TBCD: variants seen among roughly 807,000 people sequenced by gnomAD.
TBCD encodes the protein tubulin-specific chaperone D.
Under a neutral mutation model 169.3 loss-of-function variants are expected in TBCD, and 105 were observed. The observed-to-expected ratio is 0.62, with a 90% CI of 0.53 to 0.73. TBCD has a LOEUF of 0.73. TBCD is among the 30% of genes least tolerant of loss of function. TBCD has a pLI of 0.00. For missense variants in TBCD, 1,444 were observed against 1,600.1 expected (o/e 0.90, Z 1.66); for synonymous variants, 700 against 643.9 (o/e 1.09, Z -1.32).
chr17:82,939,070 A>G, intron 36 of TBCD: 1 of 492,226 alleles, frequency 2.0e-6, no homozygotes. Context: ...AGCAGGCGAG[A>G]TTGCTTCTCT....
At chr17:82,858,424 C>A in intron 13 of TBCD, 1 of 233,578 alleles carries the variant, frequency 4.3e-6, no homozygotes, top group Non-Finnish European at 7.0e-6. Context: ...TGTTGTCTTC[C>A]GTGTTTTTGC....
In TBCD at chr17:82,906,068, T is replaced by A; in HGVS notation, c.1922+15T>A. 6.3e-7 allele frequency: 1 copy of A among 1,577,550 alleles called. No homozygotes were observed. Among genetic ancestry groups the A allele is most frequent in the South Asian group, 1.1e-5 (1 of 87,036 alleles). On this transcript the variant is annotated intron_variant, in intron 20 of 38. Transcript: ENST00000355528. ...CAAGAGAACAGGTAGGAAGAGTGGG[T>A]CTCGAGGAGACACAGGGCTCTGTCC...
chr17:82,883,703 C>G (rs967465549), intron 14 of TBCD, among the ~76,000 whole-genome samples: 1 of 152,216 alleles, frequency 6.6e-6, no homozygotes, highest in African/African-American at 2.4e-5. Context: ...GCCCCTGCCC[C>G]GGGGCATTTG....
In TBCD at chr17:82,789,365, G is replaced by A. The variant is rs569084869; in HGVS notation, c.771+7644G>A. Among the ~76,000 whole-genome samples, 3 of 152,232 alleles carry A rather than the reference G, an allele frequency of 2.0e-5. No individual in the cohort carries two copies. Among genetic ancestry groups the A allele is most frequent in the Non-Finnish European group, 2.9e-5 (2 of 68,050 alleles). On this transcript the variant is annotated intron_variant, in intron 7 of 38. Transcript: ENST00000355528. This position sits in a 1 kb window ranked among gnomAD's most constrained non-coding sequence, Gnocchi z 4.8. ...TGGCCCATCCCTGCTGAGGTGGCGCGACCTGCTCACAGACGTGTGCTCACA... is the reference window on the plus strand; with the variant it reads ...TGGCCCATCCCTGCTGAGGTGGCGCAACCTGCTCACAGACGTGTGCTCACA...
In TBCD at chr17:82,782,979, G is replaced by A. The variant is rs1409160331; in HGVS notation, c.771+1258G>A. Among the ~76,000 whole-genome samples the A allele has an allele frequency of 2.0e-5, 3 of 151,200 alleles. No individual in the cohort carries two copies. Among genetic ancestry groups the A allele is most frequent in the South Asian group, 2.1e-4 (1 of 4,744 alleles). ...TCCTGTCCATGGTGGCCTCCTGTCC[G>A]CTGTGCCCTCCTGTCCGCGGCGTCG... is the stretch of plus-strand genomic sequence containing the variant. On this transcript the variant is annotated intron_variant, in intron 7 of 38. Coordinates refer to ENST00000355528, the MANE Select transcript of TBCD (RefSeq NM_005993.5). This position sits in a 1 kb window ranked among gnomAD's most constrained non-coding sequence, Gnocchi z 5.1.
At position 82,832,458 on chromosome 17, in the gene TBCD, C is replaced by T. The variant is rs763775008; in HGVS notation, c.1318+17524C>T. 13 of 1,607,656 alleles carry T rather than the reference C, an allele frequency of 8.1e-6. No homozygotes were observed. Among genetic ancestry groups the T allele is most frequent in the Non-Finnish European group, 1.1e-5 (13 of 1,179,732 alleles). On this transcript the variant is annotated intron_variant, in intron 13 of 38. Transcript: ENST00000355528. This position sits in a 1 kb window ranked among gnomAD's most constrained non-coding sequence, Gnocchi z 4.9. ...TCCGCTCTTTGAGGAGACTCATTTT[C>T]CTCCTTATGCCTTGGACTCTGGCTG...
At chr17:82,828,673 C>G (rs2053176513) in intron 13 of TBCD, among the ~76,000 whole-genome samples, 1 of 151,494 alleles carries the variant, frequency 6.6e-6, no homozygotes, top group Admixed American at 6.6e-5. Flanking sequence ...CACATGCACA[C>G]CCACAGAATC....
intron 6 of TBCD, among the ~76,000 whole-genome samples, chr17:82,773,370 C>A (rs2048399269): frequency 6.6e-6 from 1 of 152,132 alleles, no homozygotes; most frequent in Non-Finnish European, 1.5e-5. Context: ...CGCCTGAGTC[C>A]CCTGGAGCAG....
intron 13 of TBCD, among the ~76,000 whole-genome samples, chr17:82,846,224 C>T (rs1021408183): frequency 6.7e-6 from 1 of 148,424 alleles, no homozygotes; most frequent in South Asian, 2.1e-4. Context: ...CACGTCCCCT[C>T]GTCCAGCCCT....
Position 82,752,149 on chromosome 17 carries a change from A to G in TBCD, c.-45A>G. 6.8e-7 allele frequency: 1 copy of G among 1,468,086 alleles called. No homozygotes were observed. The highest frequency in any genetic ancestry group is 9.0e-7 in the Non-Finnish European group (1 of 1,112,716). 90.9% of individuals were successfully genotyped at this position (1,468,086 alleles called of 1,614,324 possible). Reference sequence around the variant, plus strand: ...GGCTTTCGCGCTCTAGCGGAGTGGGATCTGCGAACACGTGAGGCGGGGGCG... The same window carrying G: ...GGCTTTCGCGCTCTAGCGGAGTGGGGTCTGCGAACACGTGAGGCGGGGGCG... On this transcript the variant is annotated 5_prime_UTR_variant, in exon 1 of 39. Transcript: ENST00000355528.
At position 82,864,980 on chromosome 17, in the gene TBCD, C is replaced by T. The variant is rs2057059907; in HGVS notation, c.1319-5244C>T. ...GGGCAGGCCGAGCACCAAGTCTGTG[C>T]TTGCCCCACTGTGCAGCGTTGCAGG... On this transcript the variant is annotated intron_variant, in intron 13 of 38. Transcript: ENST00000355528. The surrounding 1 kb of genome is among the most constrained non-coding windows in gnomAD (Gnocchi z 6.3). 2.0e-5 allele frequency among the ~76,000 whole-genome samples: 3 copies of T among 152,188 alleles called. No homozygotes were observed. The highest frequency in any genetic ancestry group is 7.2e-5 in the African/African-American group (3 of 41,432).
rs2050941219 is a variant in TBCD at position 82,806,114 on chromosome 17, G to T, written c.1087+103G>T. On this transcript the variant is annotated intron_variant, in intron 10 of 38. Transcript: ENST00000355528. This position sits in a 1 kb window ranked among gnomAD's most constrained non-coding sequence, Gnocchi z 5.1. ...CTTCTTCCTTGCTGGTGCCGGCACT[G>T]TCTGGCCACCCGTCCCCTTCGCTGA... 1.4e-6 allele frequency: 2 copies of T among 1,479,384 alleles called. No individual in the cohort carries two copies. The highest frequency in any genetic ancestry group is 4.8e-5 in the East Asian group (2 of 41,428). The allele number at this position is 1,479,384 out of a possible 1,614,324, so 91.6% of individuals were successfully genotyped here. A position where few individuals can be genotyped will look rare whatever the true frequency, so the allele number is the denominator to read the frequency against.
intron 6 of TBCD, among the ~76,000 whole-genome samples, chr17:82,779,897 C>T (rs373143394): frequency 6.6e-5 from 10 of 152,294 alleles, no homozygotes; most frequent in South Asian, 2.1e-4. Context: ...TGGACTCTTC[C>T]GCCTCCTGGC....
chr17:82,758,648 CTT>C (rs113281797), intron 2 of TBCD, among the ~76,000 whole-genome samples: 5,398 of 114,804 alleles, frequency 0.047, 264 homozygotes, highest in African/African-American at 0.13. Flanking sequence ...CACCCTTTTG[CTT>C]TTTTTTTTTT....
At position 82,870,274 on chromosome 17, in the gene TBCD, T is replaced by C. The variant is rs369436693; in HGVS notation, c.1369T>C (p.Cys457Arg). 2.4e-5 allele frequency: 38 copies of C among 1,613,450 alleles called. No individual in the cohort carries two copies. Among genetic ancestry groups the C allele is most frequent in the Non-Finnish European group, 2.8e-5 (33 of 1,179,892 alleles). Residue 457 changes from cysteine to arginine, a missense_variant, in exon 14 of 39, where the codon TGC becomes CGC. Coordinates refer to ENST00000355528, the MANE Select transcript of TBCD (RefSeq NM_005993.5). ...GACCTACGACGAGAAGCGGGGTGCC[T>C]GCAGCGTGGGCACCAACGTCAGGGA... ...ALTYDEKRGA[C>R]SVGTNVRDAA...
rs2145259115 is a variant in TBCD at position 82,831,435 on chromosome 17, G to A, written c.1318+16501G>A. 6.2e-7 allele frequency: 1 copy of A among 1,614,198 alleles called. No individual in the cohort carries two copies. Among genetic ancestry groups the A allele is most frequent in the Non-Finnish European group, 8.5e-7 (1 of 1,180,030 alleles). The stretch of plus-strand genomic sequence containing the variant: ...GGTGAGAGCTCTGATCTCGGGTGAG[G>A]CCAGTGACAGGTGGGAGTCTGAGAC... On this transcript the variant is annotated intron_variant, in intron 13 of 38. Transcript: ENST00000355528. The surrounding 1 kb of genome is among the most constrained non-coding windows in gnomAD (Gnocchi z 4.6).
At chr17:82,755,257 G>T (rs111743466) in intron 1 of TBCD, among the ~76,000 whole-genome samples, 3,338 of 152,264 alleles carry the variant, frequency 0.022, 141 homozygotes, top group African/African-American at 0.076. Context: ...GCAGATGAAG[G>T]TTCCAGTTAG....
intron 13 of TBCD, among the ~76,000 whole-genome samples, chr17:82,821,315 G>T (rs1294689277): frequency 1.7e-5 from 2 of 120,512 alleles, no homozygotes; most frequent in African/African-American, 6.5e-5. Context: ...TTAGTTCTTT[G>T]TCCACAGTTT....
chr17:82,927,072 C>G, intron 28 of TBCD, 114 bp from the exon 29 acceptor site: 2 of 1,476,910 alleles, frequency 1.4e-6, no homozygotes, highest in Non-Finnish European at 1.8e-6. Flanking sequence ...CCCGAGGGTC[C>G]TGGACTGTTC....
Sources: allele counts gnomAD v4.1 joint callset (sites outside exome capture counted in the v4.1 genomes callset), GRCh38; gene constraint gnomAD v4.1.1; non-coding constraint Gnocchi (gnomAD v3.1); transcripts MANE v1.5; gene names NCBI Gene and HGNC (gene_info 2026-07-23, HGNC 2026-07-21).